The following AOPEP variants were observed in gnomAD, a reference collection of about 807,000 sequenced individuals.
AOPEP encodes aminopeptidase O (putative).
A neutral mutation model predicts 98.1 loss-of-function variants in AOPEP; 77 were observed. The ratio of observed to expected loss-of-function variants is 0.78; its 90% confidence interval spans 0.65 to 0.95. The LOEUF (loss-of-function observed/expected upper bound fraction) is 0.95, where lower values mean the gene tolerates loss of function less well. AOPEP is among the 40% of genes least tolerant of loss of function. The probability of loss-of-function intolerance (pLI) is 0.00; values close to 1 mark genes in which losing one functional copy is unlikely to be tolerated. For missense variants in AOPEP, 1,024 were observed against 1,024.7 expected (o/e 1.00, Z 0.01); for synonymous variants, 346 against 365.3 (o/e 0.95, Z 0.60).
chr9:94,810,806 G>A (rs1044135561), intron 5 of AOPEP, among the ~76,000 whole-genome samples: 1 of 152,184 alleles, frequency 6.6e-6, no homozygotes, highest in South Asian at 2.1e-4. Flanking sequence ...AGTTTCAGAA[G>A]GGGGCCTCTT....
At chr9:95,111,431 C>A in the AOPEP span, 3 of 1,605,172 alleles carry the variant, frequency 1.9e-6, no homozygotes, top group South Asian at 3.3e-5. Context: ...CAGAGCCCAC[C>A]CCAAACACAT....
chr9:94,838,078 G>A (rs189852126), intron 5 of AOPEP, among the ~76,000 whole-genome samples: 18 of 151,996 alleles, frequency 1.2e-4, no homozygotes, highest in African/African-American at 2.2e-4. Flanking sequence ...GTGCAGTCTC[G>A]GCTCACTGCA....
chr9:94,740,683 A>G (rs1317082752), intron 1 of AOPEP, among the ~76,000 whole-genome samples: 1 of 152,208 alleles, frequency 6.6e-6, no homozygotes, highest in Non-Finnish European at 1.5e-5. Context: ...TCAGCATAGT[A>G]TAATGGGAGC....
chr9:94,770,354 CATTT>C (rs534374024), intron 2 of AOPEP, among the ~76,000 whole-genome samples: 186 of 152,320 alleles, frequency 1.2e-3, no homozygotes, highest in African/African-American at 4.4e-3. Context: ...AAAGAACAAA[CATTT>C]ATTACCTCTC....
intron 9 of AOPEP, among the ~76,000 whole-genome samples, chr9:94,961,289 T>C (rs973244844): frequency 1.3e-5 from 2 of 152,168 alleles, no homozygotes; most frequent in Non-Finnish European, 2.9e-5. Context: ...CTATCTTTTT[T>C]CCCCCTGGAA....
chr9:94,916,709 AT>A lies in AOPEP; in HGVS notation c.1365-7275del, dbSNP rs1460195388. Among the ~76,000 whole-genome samples the A allele has an allele frequency of 9.8e-3, 1,402 of 143,658 alleles. 17 individuals are homozygous for A. The highest frequency in any genetic ancestry group is 0.031 in the African/African-American group (1,198 of 39,004). 94.2% of individuals were successfully genotyped at this position (143,658 alleles called of 152,430 possible). A position where few individuals can be genotyped will look rare whatever the true frequency, so the allele number is the denominator to read the frequency against. ...GACTCCCTCTCAAAAAAAAAAAAAA[AT>A]TAAATAAATAAATAAATAAATAAAT... On this transcript the variant is annotated intron_variant, in intron 5 of 16. Coordinates refer to ENST00000375315, the MANE Select transcript of AOPEP (RefSeq NM_001193329.3).
downstream of AOPEP, among the ~76,000 whole-genome samples, chr9:95,087,805 A>C (rs759268411): frequency 6.6e-6 from 1 of 152,180 alleles, no homozygotes; most frequent in Non-Finnish European, 1.5e-5. Context: ...TGCCTGGAGA[A>C]GGCTGTAGGA....
intron 1 of AOPEP, among the ~76,000 whole-genome samples, chr9:94,746,329 G>C (rs543071437): frequency 6.6e-6 from 1 of 152,228 alleles, no homozygotes; most frequent in African/African-American, 2.4e-5. Flanking sequence ...TCAACTGCTT[G>C]GGTTGACATC....
chr9:94,947,176 T>A (rs903798131), intron 7 of AOPEP, among the ~76,000 whole-genome samples: 1 of 149,808 alleles, frequency 6.7e-6, no homozygotes, highest in Admixed American at 6.7e-5. Flanking sequence ...AGAGACGGGG[T>A]TTCACTGTGT....
At chr9:95,094,245 G>T in the AOPEP span, among the ~76,000 whole-genome samples, 1 of 152,222 alleles carries the variant, frequency 6.6e-6, no homozygotes, top group African/African-American at 2.4e-5. Context: ...GCAGTCTGCA[G>T]TGGAGGGAGT....
In AOPEP at chr9:95,005,185, G is replaced by C. The variant is rs762598032; in HGVS notation, c.2005G>C (p.Ala669Pro). 8.7e-7 allele frequency: 1 copy of C among 1,149,638 alleles called. No individual in the cohort carries two copies. Among genetic ancestry groups the C allele is most frequent in the Non-Finnish European group, 1.1e-6 (1 of 931,802 alleles). 71.2% of individuals were successfully genotyped at this position (1,149,638 alleles called of 1,614,324 possible). ...KPLQRERRAG[A>P]ECGLARQVRA... ...GCTGCAGAGGGAGCGTCGCGCCGGG[G>C]CGGAGTGCGGGCTTGCGCGGCAAGT... The change falls in exon 12 of 17, where the codon GCG becomes CCG. Residue 669 changes from alanine to proline, a missense_variant. Around this residue, in one of 3 missense-constraint regions of AOPEP, gnomAD observed 566 missense variants for 551.7 expected, o/e 1.03. Transcript: ENST00000375315.
chr9:94,955,853 T>A, intron 8 of AOPEP, 55 bp from the exon 9 acceptor site: 1 of 1,295,312 alleles, frequency 7.7e-7, no homozygotes, highest in Non-Finnish European at 1.1e-6. Flanking sequence ...ATATAACCAT[T>A]TTTTTATGAA....
chr9:94,777,164 G>T (rs1842290408), intron 3 of AOPEP, among the ~76,000 whole-genome samples: 1 of 152,074 alleles, frequency 6.6e-6, no homozygotes, highest in South Asian at 2.1e-4. Context: ...GCTGGGCGGG[G>T]TGGCTCACGC....
the AOPEP span, among the ~76,000 whole-genome samples, chr9:95,148,995 C>T: frequency 6.6e-6 from 1 of 151,948 alleles, no homozygotes; most frequent in African/African-American, 2.4e-5. Context: ...CCACCAGAAG[C>T]AGATATGAGA....
At chr9:95,138,678 A>G in the AOPEP span, among the ~76,000 whole-genome samples, 1 of 152,170 alleles carries the variant, frequency 6.6e-6, no homozygotes, top group Admixed American at 6.5e-5. Flanking sequence ...CCTGGCCGAG[A>G]GCCATGGCAC....
intron 3 of AOPEP, among the ~76,000 whole-genome samples, chr9:94,783,556 C>G (rs1296776715): frequency 3.3e-5 from 5 of 151,962 alleles, no homozygotes; most frequent in Admixed American, 3.3e-4. Flanking sequence ...GCGGCATCTG[C>G]AAAGTCCTGA....
chr9:95,141,398 G>A, the AOPEP span, among the ~76,000 whole-genome samples: 1 of 147,416 alleles, frequency 6.8e-6, no homozygotes, highest in Non-Finnish European at 1.5e-5. Flanking sequence ...AGAAATGGGA[G>A]TTTTAGTTAC....
chr9:94,889,643 G>A (rs1285372522), intron 5 of AOPEP, among the ~76,000 whole-genome samples: 4 of 151,988 alleles, frequency 2.6e-5, no homozygotes, highest in African/African-American at 7.2e-5. Flanking sequence ...GTGAGCCACC[G>A]CACCTGGTCA....
At chr9:95,148,478 G>A in the AOPEP span, among the ~76,000 whole-genome samples, 4 of 152,234 alleles carry the variant, frequency 2.6e-5, no homozygotes, top group African/African-American at 9.6e-5. Context: ...GACTGACAGT[G>A]TTTGTAGCCC....
Sources: allele counts gnomAD v4.1 joint callset (sites outside exome capture counted in the v4.1 genomes callset), GRCh38; gene constraint gnomAD v4.1.1; regional missense constraint gnomAD v4.1.1; transcripts MANE v1.5; gene names NCBI Gene and HGNC (gene_info 2026-07-23, HGNC 2026-07-21).